GTPBP4: variants seen among roughly 807,000 people sequenced by gnomAD.
GTPBP4 encodes GTP-binding protein 4.
GTPBP4 carries 15 observed loss-of-function variants against 81.7 expected under a neutral mutation model. That is an observed-to-expected ratio of 0.18 (90% CI 0.12 to 0.28). GTPBP4 has a LOEUF of 0.28. Among genes scored for constraint, GTPBP4 ranks in the 10% least tolerant of loss-of-function variants. GTPBP4 has a pLI of 1.00. For missense variants in GTPBP4, 847 were observed against 793.8 expected (o/e 1.07, Z -0.81); for synonymous variants, 272 against 274.6 (o/e 0.99, Z 0.09).
Position 990,926 on chromosome 10 carries a change from A to T in GTPBP4, c.49-1563A>T, listed in dbSNP as rs117285653. Among the ~76,000 whole-genome samples, 99 of 151,998 alleles carry T rather than the reference A, an allele frequency of 6.5e-4. No individual in the cohort carries two copies. The East Asian group carries it at 0.013, about 20-fold the overall frequency. ...TCCCCCTTCAGGATGTGCGAACGGC[A>T]TTAGGTGCAGAAGAACGTAGAGAAG... On this transcript the variant is annotated intron_variant, in intron 1 of 16. Coordinates refer to ENST00000360803, the MANE Select transcript of GTPBP4 (RefSeq NM_012341.3).
intron 1 of GTPBP4, among the ~76,000 whole-genome samples, chr10:992,127 G>A (rs1476292793): frequency 2.0e-5 from 3 of 151,594 alleles, no homozygotes; most frequent in South Asian, 2.1e-4. Context: ...AGGGCCGGGC[G>A]TGGTGGCTCA....
chr10:1,001,021 A>C lies in GTPBP4; in HGVS notation c.912+8A>C. The C allele has an allele frequency of 6.3e-7, 1 of 1,577,916 alleles. No homozygotes were observed. The highest frequency in any genetic ancestry group is 8.7e-7 in the Non-Finnish European group (1 of 1,147,176). ...CTTTCTGAAGATGATCAGGTAAATCACGTTAATATTTTGAATATTTCTTAC... is the reference window on the plus strand; with the variant it reads ...CTTTCTGAAGATGATCAGGTAAATCCCGTTAATATTTTGAATATTTCTTAC... On this transcript the variant is annotated splice_region_variant and intron_variant, in intron 8 of 16. Transcript: ENST00000360803.
At chr10:1,015,398 A>G (rs138647409) in intron 15 of GTPBP4, among the ~76,000 whole-genome samples, 21,854 of 34,568 alleles carry the variant, frequency 0.63, 5,598 homozygotes, top group Non-Finnish European at 0.65. Context: ...CTGGGAGTGG[A>G]CCTGGGGTCC....
intron 1 of GTPBP4, among the ~76,000 whole-genome samples, chr10:990,285 T>TAA (rs879438760): frequency 3.4e-5 from 5 of 146,400 alleles, no homozygotes; most frequent in Non-Finnish European, 1.5e-5. Context: ...TGATTGGAAG[T>TAA]AAAAAAAAAA....
Position 1,000,739 on chromosome 10 carries a change from G to T in GTPBP4, c.717G>T (p.Gln239His). The change falls in exon 7 of 17, where the codon CAG (glutamine) becomes CAT (histidine). Residue 239 changes from glutamine (Q) to histidine (H), a missense_variant. Around this residue, in one of 3 missense-constraint regions of GTPBP4, gnomAD observed 600 missense variants for 557.1 expected, o/e 1.08. Transcript: ENST00000360803. ...PLEDRNTIEM[Q>H]AITALAHLRA... is the part of the protein sequence containing the mutation. Reference sequence around the variant, plus strand: ...AGGATAGGAACACCATCGAGATGCAGGCCATCACTGCCCTGGCCCACCTCC... The same window carrying T: ...AGGATAGGAACACCATCGAGATGCATGCCATCACTGCCCTGGCCCACCTCC... The T allele has an allele frequency of 6.3e-7, 1 of 1,593,856 alleles. No individual in the cohort carries two copies. The highest frequency in any genetic ancestry group is 1.1e-5 in the South Asian group (1 of 87,040).
At chr10:1,004,284 AGAGGACAGGGAG>A (rs1304037877) in intron 8 of GTPBP4, among the ~76,000 whole-genome samples, 2 of 152,154 alleles carry the variant, frequency 1.3e-5, no homozygotes, top group Non-Finnish European at 2.9e-5. Context: ...TTTGGGCCCT[AGAGGACAGGGAG>A]GAGGACAGCA....
chr10:1,005,004 T>G (rs1437144046), intron 8 of GTPBP4, among the ~76,000 whole-genome samples: 1 of 152,220 alleles, frequency 6.6e-6, no homozygotes, highest in Non-Finnish European at 1.5e-5. Context: ...TGGTGAGGGC[T>G]GTGGGTGTCC....
At chr10:1,009,185 G>A in intron 11 of GTPBP4, 150 bp downstream of exon 11, 1 of 632,250 alleles carries the variant, frequency 1.6e-6, no homozygotes, top group South Asian at 1.9e-5. Context: ...TCCCCCTGCA[G>A]AAGCCTCTCT....
Position 1,007,099 on chromosome 10 carries a change from C to T in GTPBP4, c.1084C>T (p.Leu362=). ...KVNEVLNRLH[L]AIPTRRDDKE... ...GAATGAGGTGCTGAATAGACTGCAC[C>T]TGGCTATCCCAACCAGGAGGGACGA... is the stretch of plus-strand genomic sequence containing the variant. The change falls in exon 10 of 17, where the codon CTG becomes TTG. Residue 362 remains leucine (L), a synonymous_variant. Coordinates refer to ENST00000360803, the MANE Select transcript of GTPBP4 (RefSeq NM_012341.3). The T allele has an allele frequency of 6.2e-7, 1 of 1,607,868 alleles. No individual in the cohort carries two copies. The highest frequency in any genetic ancestry group is 8.5e-7 in the Non-Finnish European group (1 of 1,174,238).
At chr10:998,146 C>G (rs771303433) in intron 5 of GTPBP4, among the ~76,000 whole-genome samples, 2 of 152,164 alleles carry the variant, frequency 1.3e-5, no homozygotes, top group Non-Finnish European at 2.9e-5. Context: ...GTTGCCCAGG[C>G]TGAAGTGCAG....
intron 10 of GTPBP4, chr10:1,008,120 G>T: frequency 2.2e-6 from 1 of 454,486 alleles, no homozygotes. Flanking sequence ...CATTTTAAAA[G>T]TATCTTTTCT....
chr10:1,000,805 T>C lies in GTPBP4; in HGVS notation c.783T>C (p.Cys261=). ...VLYVMDLSEQ[C]GHGLREQLEL... Reference sequence around the variant, plus strand: ...ATGTGATGGATTTGTCTGAGCAGTGTGGGCATGGGCTGAGGGAGCAGCTAG... The same window carrying C: ...ATGTGATGGATTTGTCTGAGCAGTGCGGGCATGGGCTGAGGGAGCAGCTAG... Residue 261 remains cysteine (C), a synonymous_variant, in exon 7 of 17, where the codon TGT becomes TGC. Coordinates refer to ENST00000360803, the MANE Select transcript of GTPBP4 (RefSeq NM_012341.3). The C allele has an allele frequency of 6.2e-7, 1 of 1,611,576 alleles. No individual in the cohort carries two copies. Among genetic ancestry groups the C allele is most frequent in the Non-Finnish European group, 8.5e-7 (1 of 1,178,582 alleles).
chr10:1,013,810 A>G (rs1043535829), intron 14 of GTPBP4, among the ~76,000 whole-genome samples: 1 of 152,124 alleles, frequency 6.6e-6, no homozygotes, highest in Non-Finnish European at 1.5e-5. Context: ...GTTTGAATAC[A>G]CTGTTTTCAC....
At chr10:1,000,443 G>A (rs547809053) in intron 6 of GTPBP4, among the ~76,000 whole-genome samples, 2 of 151,478 alleles carry the variant, frequency 1.3e-5, no homozygotes, top group Non-Finnish European at 2.9e-5. Flanking sequence ...TTTGCCGTGT[G>A]AGCCAGGATG....
At chr10:1,016,803 C>T (rs1832001770) in intron 16 of GTPBP4, among the ~76,000 whole-genome samples, 1 of 151,972 alleles carries the variant, frequency 6.6e-6, no homozygotes, top group African/African-American at 2.4e-5. Flanking sequence ...ACAGGGATAA[C>T]TGTGCTGGGC....
intron 2 of GTPBP4, among the ~76,000 whole-genome samples, chr10:993,006 T>G (rs749767210): frequency 3.3e-5 from 5 of 152,184 alleles, no homozygotes; most frequent in Non-Finnish European, 7.3e-5. Flanking sequence ...GCTCACTGGT[T>G]GTCTGGGCTT....
intron 8 of GTPBP4, among the ~76,000 whole-genome samples, chr10:1,004,006 A>C (rs1053203202): frequency 6.6e-6 from 1 of 152,062 alleles, no homozygotes; most frequent in African/African-American, 2.4e-5. Flanking sequence ...TAGCAGCTTA[A>C]GCCCACAGGG....
intron 10 of GTPBP4, chr10:1,008,179 G>T (rs1293766920): frequency 2.2e-6 from 1 of 453,016 alleles, no homozygotes. Flanking sequence ...CTGGGAGGCC[G>T]AGGCGGGTGG....
At position 1,019,387 on chromosome 10, in the gene GTPBP4, G is replaced by C. The variant is rs149879492; in HGVS notation, c.*2160G>C. 1 of 621,324 alleles carries C rather than the reference G, an allele frequency of 1.6e-6. No individual in the cohort carries two copies. Among genetic ancestry groups the C allele is most frequent in the Non-Finnish European group, 2.7e-6 (1 of 363,684 alleles). 38.5% of individuals were successfully genotyped at this position (621,324 alleles called of 1,614,324 possible). On this transcript the variant is annotated 3_prime_UTR_variant, in exon 17 of 17. Transcript: ENST00000360803. Reference sequence around the variant, plus strand: ...CAAAGTTGATGAAAAGGTTGAAATAGTGATTTATACATGATGGGCAATCAA... The same window carrying C: ...CAAAGTTGATGAAAAGGTTGAAATACTGATTTATACATGATGGGCAATCAA...
Sources: allele counts gnomAD v4.1 joint callset (sites outside exome capture counted in the v4.1 genomes callset), GRCh38; gene constraint gnomAD v4.1.1; regional missense constraint gnomAD v4.1.1; transcripts MANE v1.5; gene names NCBI Gene and HGNC (gene_info 2026-07-23, HGNC 2026-07-21).